SLC39A12: variants seen among roughly 807,000 people sequenced by gnomAD.
SLC39A12 encodes the protein zinc transporter ZIP12.
A neutral mutation model predicts 71.1 loss-of-function variants in SLC39A12; 63 were observed. That is an observed-to-expected ratio of 0.89 (90% CI 0.72 to 1.09). The LOEUF (loss-of-function observed/expected upper bound fraction) is 1.09, where lower values mean the gene tolerates loss of function less well. Among genes scored for constraint, SLC39A12 ranks in the 50% least tolerant of loss-of-function variants. The probability of loss-of-function intolerance (pLI) is 0.00; values close to 1 mark genes in which losing one functional copy is unlikely to be tolerated. For synonymous variants in SLC39A12, 351 were observed against 301.3 expected (o/e 1.16, Z -1.71); for missense variants, 892 against 812.6 (o/e 1.10, Z -1.19).
chr10:18,013,263 T>C (rs9418387), intron 12 of SLC39A12, among the ~76,000 whole-genome samples: 64,732 of 150,570 alleles, frequency 0.43, 14,380 homozygotes, highest in Non-Finnish European at 0.5. Flanking sequence ...AACTAAGAAT[T>C]TTAAAGCTTT....
intron 2 of SLC39A12, among the ~76,000 whole-genome samples, chr10:17,957,716 G>A (rs1471050348): frequency 6.6e-6 from 1 of 152,068 alleles, no homozygotes; most frequent in Non-Finnish European, 1.5e-5. Context: ...TCATCCAACA[G>A]CCCCAGTAGA....
chr10:17,962,069 C>T (rs148007591), intron 3 of SLC39A12, among the ~76,000 whole-genome samples: 218 of 152,268 alleles, frequency 1.4e-3, no homozygotes, highest in African/African-American at 4.2e-3. Flanking sequence ...GAGCAGTTTT[C>T]GCCAGAAGTT....
intron 8 of SLC39A12, among the ~76,000 whole-genome samples, chr10:17,991,791 A>G (rs901862964): frequency 1.3e-5 from 2 of 152,176 alleles, no homozygotes; most frequent in African/African-American, 4.8e-5. Context: ...GTAGCTGATA[A>G]ATGTCTACAG....
chr10:18,036,746 T>TTATATATGTATA (rs1837036983), intron 12 of SLC39A12, among the ~76,000 whole-genome samples: 1 of 37,496 alleles, frequency 2.7e-5, no homozygotes, highest in Non-Finnish European at 5.3e-5. Flanking sequence ...ATTTTAAAAA[T>TTATATATGTATA]TATATATATA....
intron 2 of SLC39A12, among the ~76,000 whole-genome samples, chr10:17,958,468 T>C (rs189313759): frequency 3.3e-5 from 5 of 152,240 alleles, no homozygotes; most frequent in Admixed American, 3.3e-4. Context: ...CTAACTGACC[T>C]CTACTCCCAT....
Position 17,987,473 on chromosome 10 carries a change from A to C in SLC39A12, c.1097-6A>C, listed in dbSNP as rs770482801. On this transcript the variant is annotated splice_polypyrimidine_tract_variant and splice_region_variant and intron_variant, in intron 6 of 12. Transcript: ENST00000377369. ...CTGACTGTGTTTACGATCTCCTTTG[A>C]CTTAGAATACGGCTACAGCACGGTG... The C allele has an allele frequency of 1.2e-6, 2 of 1,613,370 alleles. No homozygotes were observed. Among genetic ancestry groups the C allele is most frequent in the South Asian group, 2.2e-5 (2 of 91,004 alleles).
At position 17,978,010 on chromosome 10, in the gene SLC39A12, A is replaced by G; in HGVS notation, c.860A>G (p.Asp287Gly). ...KQNNIITHDQ[D>G]YSNFSSSMEK... ...AACAACATAATAACCCATGATCAGG[A>G]CTATTCTAATTTCTCTTCATCCATG... Residue 287 changes from aspartate (D) to glycine (G), a missense_variant, in exon 5 of 13, where the codon GAC becomes GGC. Transcript: ENST00000377369. 2.5e-6 allele frequency: 4 copies of G among 1,607,952 alleles called. No homozygotes were observed. The highest frequency in any genetic ancestry group is 3.4e-6 in the Non-Finnish European group (4 of 1,177,736).
intron 12 of SLC39A12, among the ~76,000 whole-genome samples, chr10:18,036,105 G>C (rs1837004179): frequency 6.6e-6 from 1 of 152,190 alleles, no homozygotes; most frequent in Admixed American, 6.5e-5. Context: ...CTTTTTGTTT[G>C]TCTGTGCCCT....
intron 4 of SLC39A12, among the ~76,000 whole-genome samples, chr10:17,970,674 T>TTGTGTGTGTGTGTG (rs61528284): frequency 6.9e-6 from 1 of 145,422 alleles, no homozygotes. Flanking sequence ...TTCTAATAGT[T>TTGTGTGTGTGTGTG]TGTGTGTGTG....
chr10:18,012,952 A>G (rs1836271324), intron 12 of SLC39A12, among the ~76,000 whole-genome samples: 1 of 151,672 alleles, frequency 6.6e-6, no homozygotes, highest in African/African-American at 2.4e-5. Context: ...ATGAGAGCTG[A>G]GTTTATGCTC....
intron 12 of SLC39A12, among the ~76,000 whole-genome samples, chr10:18,019,503 T>C (rs1198926632): frequency 6.6e-6 from 1 of 152,080 alleles, no homozygotes; most frequent in Non-Finnish European, 1.5e-5. Flanking sequence ...TCTTTATTCC[T>C]TTCTGATATA....
intron 7 of SLC39A12, among the ~76,000 whole-genome samples, chr10:17,988,600 C>T (rs1004143368): frequency 1.3e-5 from 2 of 152,134 alleles, no homozygotes; most frequent in Admixed American, 6.6e-5. Context: ...TTCACTTGTC[C>T]TTCTTTCTGT....
intron 5 of SLC39A12, among the ~76,000 whole-genome samples, chr10:17,980,805 A>G (rs1050040135): frequency 6.7e-6 from 1 of 149,566 alleles, no homozygotes; most frequent in Admixed American, 6.6e-5. Context: ...GCTAGTTGAC[A>G]TAGCTTTACT....
At chr10:18,015,831 A>G (rs146170399) in intron 12 of SLC39A12, among the ~76,000 whole-genome samples, 103 of 151,682 alleles carry the variant, frequency 6.8e-4, no homozygotes, top group Non-Finnish European at 1.2e-3. Context: ...ACATGTGGCT[A>G]TTATGCCTTG....
At chr10:17,989,808 C>A (rs1835496817) in intron 7 of SLC39A12, among the ~76,000 whole-genome samples, 1 of 151,922 alleles carries the variant, frequency 6.6e-6, no homozygotes, top group Non-Finnish European at 1.5e-5. Context: ...ACCCCAGCTA[C>A]TCTGGAGGCT....
At chr10:18,041,202 CGT>C (rs1473989407) in intron 12 of SLC39A12, among the ~76,000 whole-genome samples, 2 of 152,038 alleles carry the variant, frequency 1.3e-5, no homozygotes, top group African/African-American at 4.8e-5. Context: ...CACACAGATG[CGT>C]GAGTGAACCC....
rs574528399 is a variant in SLC39A12, at chr10:17,990,038, A to G, written c.1270-1113A>G. On this transcript the variant is annotated intron_variant, in intron 7 of 12. Transcript: ENST00000377369. The stretch of plus-strand genomic sequence containing the variant: ...TTTCAAACGTCTGCACAGAAGTGAG[A>G]AAAATGTTACTCATGTGATTGCCTT... Among the ~76,000 whole-genome samples the G allele has an allele frequency of 4.9e-4, 74 of 152,362 alleles. 1 individual carries two copies. In the South Asian group the frequency reaches 0.015, roughly 31 times the overall value.
At position 17,991,243 on chromosome 10, in the gene SLC39A12, C is replaced by T. The variant is rs1835539307; in HGVS notation, c.1362C>T (p.Gly454=). 1 of 1,597,308 alleles carries T rather than the reference C, an allele frequency of 6.3e-7. No individual in the cohort carries two copies. Among genetic ancestry groups the T allele is most frequent in the Non-Finnish European group, 8.5e-7 (1 of 1,173,980 alleles). Residue 454 remains glycine (G), a synonymous_variant, in exon 8 of 13, where the codon GGC becomes GGT. Coordinates refer to ENST00000377369, the MANE Select transcript of SLC39A12 (RefSeq NM_001145195.2). ...HIWKLMGLIG[G]IHGFFLIEKC... ...GGAAACTGATGGGATTAATTGGAGG[C>T]ATCCATGGATTTTTCTTGATAGAAA... is the stretch of plus-strand genomic sequence containing the variant.
At chr10:18,009,672 C>G (rs1836145253) in intron 12 of SLC39A12, 1 of 152,254 alleles carries the variant, frequency 6.6e-6, no homozygotes, top group East Asian at 1.9e-4. Context: ...TACTTATCTT[C>G]CCTCTTGTGA....
Sources: allele counts gnomAD v4.1 joint callset (sites outside exome capture counted in the v4.1 genomes callset), GRCh38; gene constraint gnomAD v4.1.1; transcripts MANE v1.5; gene names NCBI Gene and HGNC (gene_info 2026-07-23, HGNC 2026-07-21).